ARHGAP24: variants seen among roughly 807,000 people sequenced by gnomAD.
ARHGAP24 encodes the protein Rho GTPase activating protein 24, also known as rho GTPase-activating protein 24.
Under a neutral mutation model 76.4 loss-of-function variants are expected in ARHGAP24, and 50 were observed. The observed-to-expected ratio is 0.65, with a 90% CI of 0.52 to 0.83. The LOEUF is 0.83. Ranked by LOEUF, ARHGAP24 falls within the 40% of genes least tolerant of loss-of-function variation. The pLI is 0.00. For missense variants in ARHGAP24, 930 were observed against 914.2 expected (o/e 1.02, Z -0.22); for synonymous variants, 345 against 323.3 (o/e 1.07, Z -0.72).
At chr4:85,579,618 A>G (rs185443923) in intron 2 of ARHGAP24, among the ~76,000 whole-genome samples, 3 of 149,626 alleles carry the variant, frequency 2.0e-5, no homozygotes, top group South Asian at 4.2e-4. Flanking sequence ...GTGACTATTT[A>G]TCAATTATAA....
chr4:85,785,498 GT>G (rs1578226058), intron 3 of ARHGAP24, among the ~76,000 whole-genome samples: 1 of 151,164 alleles, frequency 6.6e-6, no homozygotes, highest in Non-Finnish European at 1.5e-5. Context: ...ATTTTGTTTT[GT>G]TTTGTTTTTT....
intron 5 of ARHGAP24, among the ~76,000 whole-genome samples, chr4:85,964,511 C>G (rs1169176445): frequency 6.6e-6 from 1 of 151,878 alleles, no homozygotes; most frequent in Non-Finnish European, 1.5e-5. Flanking sequence ...GAAAACAACA[C>G]CACTTAGAGG....
intron 3 of ARHGAP24, among the ~76,000 whole-genome samples, chr4:85,923,144 G>C (rs1480152172): frequency 6.6e-6 from 1 of 151,978 alleles, no homozygotes; most frequent in Non-Finnish European, 1.5e-5. Context: ...AGAACCTCTG[G>C]GTCAAAGGCA....
intron 3 of ARHGAP24, among the ~76,000 whole-genome samples, chr4:85,917,049 C>G (rs1165669516): frequency 6.6e-6 from 1 of 152,068 alleles, no homozygotes; most frequent in African/African-American, 2.4e-5. Context: ...CCTCCTAATG[C>G]TATCCTTCCC....
intron 3 of ARHGAP24, among the ~76,000 whole-genome samples, chr4:85,739,006 G>C (rs1725711433): frequency 6.6e-6 from 1 of 152,196 alleles, no homozygotes; most frequent in Admixed American, 6.5e-5. Flanking sequence ...CCAAGTTCTA[G>C]CCTGAGAACA....
intron 3 of ARHGAP24, among the ~76,000 whole-genome samples, chr4:85,802,807 A>G (rs1728635372): frequency 1.3e-5 from 2 of 152,200 alleles, no homozygotes; most frequent in South Asian, 2.1e-4. Context: ...CGAACAAACA[A>G]ACAAAAAACC....
chr4:85,855,884 A>C lies in ARHGAP24; in HGVS notation c.269-67764A>C, dbSNP rs185531406. ...TAGAGAGTTGACCACTGGATATGATACATTATGCCCCATATAAAATCAATT... is the reference window on the plus strand; with the variant it reads ...TAGAGAGTTGACCACTGGATATGATCCATTATGCCCCATATAAAATCAATT... On this transcript the variant is annotated intron_variant, in intron 3 of 9. Coordinates refer to ENST00000395184, the MANE Select transcript of ARHGAP24 (RefSeq NM_001025616.3). Among the ~76,000 whole-genome samples the C allele has an allele frequency of 2.1e-3, 313 of 152,322 alleles. 3 individuals carry two copies. Among genetic ancestry groups the C allele is most frequent in the African/African-American group, 7.0e-3 (292 of 41,576 alleles).
chr4:85,640,933 G>A (rs1316859187), intron 2 of ARHGAP24, among the ~76,000 whole-genome samples: 2 of 148,618 alleles, frequency 1.3e-5, no homozygotes, highest in South Asian at 2.2e-4. Context: ...CAGGAATGCA[G>A]CACTCAAGCA....
At chr4:85,520,471 T>C (rs1280861573) in intron 1 of ARHGAP24, among the ~76,000 whole-genome samples, 4 of 152,198 alleles carry the variant, frequency 2.6e-5, no homozygotes, top group Admixed American at 2.6e-4. Context: ...AGTCCTGTTG[T>C]GTGGCCCTCA....
chr4:85,964,300 A>G (rs796422262), intron 5 of ARHGAP24, among the ~76,000 whole-genome samples: 6 of 152,246 alleles, frequency 3.9e-5, no homozygotes, highest in African/African-American at 1.4e-4. Context: ...TGAAAAAAAA[A>G]TGCTAAAAGA....
chr4:85,559,727 T>A (rs1364297718), intron 1 of ARHGAP24, among the ~76,000 whole-genome samples: 1 of 152,202 alleles, frequency 6.6e-6, no homozygotes, highest in Non-Finnish European at 1.5e-5. Context: ...TTAATAAATA[T>A]AAAATAAGAG....
intron 1 of ARHGAP24, among the ~76,000 whole-genome samples, chr4:85,510,594 C>T (rs1724238592): frequency 6.7e-6 from 1 of 148,940 alleles, no homozygotes; most frequent in Non-Finnish European, 1.5e-5. Flanking sequence ...CCCTCTCTCC[C>T]CCTTGTCTTC....
intron 2 of ARHGAP24, among the ~76,000 whole-genome samples, chr4:85,658,009 C>T (rs1722237168): frequency 6.6e-6 from 1 of 152,220 alleles, no homozygotes; most frequent in Admixed American, 6.5e-5. Context: ...CCCCCCTCGG[C>T]TTCCCAAGAT....
intron 1 of ARHGAP24, among the ~76,000 whole-genome samples, chr4:85,546,129 A>C (rs1725912194): frequency 6.6e-6 from 1 of 152,184 alleles, no homozygotes. Context: ...TGATAGTTAA[A>C]TGAGTTTATA....
At chr4:85,888,258 G>A (rs1383817699) in intron 3 of ARHGAP24, among the ~76,000 whole-genome samples, 5 of 151,890 alleles carry the variant, frequency 3.3e-5, no homozygotes, top group Admixed American at 6.6e-5. Context: ...AAAATTAGCC[G>A]GACGTGGTGG....
At chr4:85,563,863 A>G (rs373854941) in intron 1 of ARHGAP24, among the ~76,000 whole-genome samples, 2 of 152,240 alleles carry the variant, frequency 1.3e-5, no homozygotes, top group East Asian at 3.8e-4. Flanking sequence ...CTGACTTTAC[A>G]TGAGAAAAAT....
At chr4:85,564,465 A>T (rs1035821535) in intron 1 of ARHGAP24, among the ~76,000 whole-genome samples, 18 of 151,382 alleles carry the variant, frequency 1.2e-4, no homozygotes, top group Non-Finnish European at 2.5e-4. Context: ...TGGGTGCAGC[A>T]CACCAACATG....
At chr4:85,539,614 T>C (rs1434330315) in intron 1 of ARHGAP24, among the ~76,000 whole-genome samples, 7 of 152,138 alleles carry the variant, frequency 4.6e-5, no homozygotes, top group African/African-American at 1.7e-4. Context: ...TACCATCTAA[T>C]AGATACCAGG....
intron 2 of ARHGAP24, among the ~76,000 whole-genome samples, chr4:85,652,275 A>C (rs1159291804): frequency 6.6e-6 from 1 of 152,206 alleles, no homozygotes; most frequent in African/African-American, 2.4e-5. Flanking sequence ...AATGATTTTC[A>C]TAAAGAATAT....
Sources: gnomAD v4.1 joint callset for allele counts (sites outside exome capture counted in the v4.1 genomes callset) on GRCh38, gnomAD v4.1.1 for gene constraint, MANE v1.5 for transcripts, NCBI Gene and HGNC (gene_info 2026-07-23, HGNC 2026-07-21) for gene names.